CLVS2: variants seen among roughly 807,000 people sequenced by gnomAD.
CLVS2 encodes the protein clavesin-2.
Under a neutral mutation model 29.0 loss-of-function variants are expected in CLVS2, and 19 were observed. The ratio of observed to expected loss-of-function variants is 0.66; its 90% CI spans 0.46 to 0.96. The LOEUF (loss-of-function observed/expected upper bound fraction) is 0.96, where lower values mean the gene tolerates loss of function less well. CLVS2 is among the 40% of genes least tolerant of loss of function. The probability of loss-of-function intolerance (pLI) is 0.00; values close to 1 mark genes in which losing one functional copy is unlikely to be tolerated. For missense variants in CLVS2, 294 were observed against 404.1 expected, an observed-to-expected ratio of 0.73 and a Z score of 2.34; for synonymous variants, 161 against 151.3, an observed-to-expected ratio of 1.06 and a Z score of -0.47.
chr6:123,055,277 C>G (rs1305990652), intron 4 of CLVS2, among the ~76,000 whole-genome samples: 2 of 151,306 alleles, frequency 1.3e-5, no homozygotes, highest in African/African-American at 4.9e-5. Context: ...ACATCACCCA[C>G]TTTGCATTAT....
intron 3 of CLVS2, among the ~76,000 whole-genome samples, chr6:123,018,920 C>A (rs1274763514): frequency 3.3e-5 from 5 of 151,994 alleles, no homozygotes; most frequent in African/African-American, 1.2e-4. Flanking sequence ...AACAAACAAA[C>A]CAAAATGTGT....
chr6:123,023,336 G>A (rs1446797223), intron 3 of CLVS2, among the ~76,000 whole-genome samples: 1 of 152,024 alleles, frequency 6.6e-6, no homozygotes, highest in Non-Finnish European at 1.5e-5. Context: ...CAGTTTATGT[G>A]TTTGAGTTGC....
intron 2 of CLVS2, 82 bp from the exon 3 acceptor site, chr6:123,010,903 T>A (rs1774737707): frequency 1.1e-6 from 1 of 928,354 alleles, no homozygotes. Flanking sequence ...TAAAGTGAAT[T>A]TTTAGTGTGC....
chr6:123,004,597 C>T (rs1282767519), intron 2 of CLVS2, among the ~76,000 whole-genome samples: 1 of 152,128 alleles, frequency 6.6e-6, no homozygotes, highest in African/African-American at 2.4e-5. Context: ...TATTTTCTGA[C>T]ATATATATTA....
At chr6:123,004,700 G>T (rs1436189399) in intron 2 of CLVS2, among the ~76,000 whole-genome samples, 5 of 145,564 alleles carry the variant, frequency 3.4e-5, no homozygotes, top group Non-Finnish European at 7.6e-5. Flanking sequence ...ATCACCTGAG[G>T]TCAGGAGTTG....
intron 2 of CLVS2, among the ~76,000 whole-genome samples, chr6:123,006,540 A>C (rs987870334): frequency 6.6e-6 from 1 of 152,214 alleles, no homozygotes; most frequent in African/African-American, 2.4e-5. Context: ...AGAAAGAGTT[A>C]GATGCCAAAG....
At chr6:123,010,835 C>T in intron 2 of CLVS2, 150 bp from the exon 3 acceptor site, 2 of 452,994 alleles carry the variant, frequency 4.4e-6, no homozygotes, top group Admixed American at 4.2e-5. Flanking sequence ...ATAAATTAAA[C>T]CTCTTCCTAA....
At chr6:123,009,870 A>T (rs1774723945) in intron 2 of CLVS2, among the ~76,000 whole-genome samples, 1 of 152,028 alleles carries the variant, frequency 6.6e-6, no homozygotes, top group Admixed American at 6.6e-5. Context: ...CATTGAACTT[A>T]GAGTCTATAA....
rs1031379200 is a variant in CLVS2 at position 123,066,948 on chromosome 6, C to T, written c.*3187C>T. 6.6e-6 allele frequency: 1 copy of T among 151,624 alleles called. No individual in the cohort carries two copies. Among genetic ancestry groups the T allele is most frequent in the East Asian group, 1.9e-4 (1 of 5,184 alleles). 9.4% of individuals were successfully genotyped at this position (151,624 alleles called of 1,614,324 possible). ...TAGTACATGTTAATGATAAACGTGG[C>T]ACTAGGCTAAAACGATATACGAGTA... On this transcript the variant is annotated 3_prime_UTR_variant, in exon 6 of 6. Transcript: ENST00000275162.
chr6:123,055,871 T>G lies in CLVS2; in HGVS notation c.741T>G (p.Ser247=). Reference sequence around the variant, plus strand: ...TAATTCATCCTGAGATCCTGCCCTCTGAGTTTGGAGGAATGCTGCCTCCTT... The same window carrying G: ...TAATTCATCCTGAGATCCTGCCCTCGGAGTTTGGAGGAATGCTGCCTCCTT... ...HQLIHPEILP[S]EFGGMLPPYD... Residue 247 remains serine, a synonymous_variant, in exon 5 of 6, where the codon TCT becomes TCG. Coordinates refer to ENST00000275162, the MANE Select transcript of CLVS2 (RefSeq NM_001010852.4). 6.2e-7 allele frequency: 1 copy of G among 1,614,116 alleles called. No homozygotes were observed.
chr6:123,000,240 G>A (rs1049586281), intron 2 of CLVS2, among the ~76,000 whole-genome samples: 7 of 151,996 alleles, frequency 4.6e-5, no homozygotes, highest in Admixed American at 6.6e-5. Flanking sequence ...AGAAATTATC[G>A]CACCTCAAGG....
At position 123,063,010 on chromosome 6, in the gene CLVS2, T is replaced by C. The variant is rs61134374; in HGVS notation, c.897-664T>C. On this transcript the variant is annotated intron_variant, in intron 5 of 5. Transcript: ENST00000275162. The stretch of plus-strand genomic sequence containing the variant: ...GGCATGTATAAGTGGGTTTTCAAAT[T>C]ATGTGCTTTCCTAATCATAAACTGT... 5.4e-3 allele frequency among the ~76,000 whole-genome samples: 828 copies of C among 152,312 alleles called. 8 individuals carry two copies. The highest frequency in any genetic ancestry group is 0.012 in the East Asian group (61 of 5,174).
intron 5 of CLVS2, among the ~76,000 whole-genome samples, chr6:123,061,442 T>TA (rs928391970): frequency 9.3e-5 from 14 of 151,178 alleles, no homozygotes; most frequent in Admixed American, 4.0e-4. Flanking sequence ...TAAAAGAGAC[T>TA]AAAAAAAAAT....
At position 123,068,574 on chromosome 6, in the gene CLVS2, T is replaced by G. The variant is rs1772896443; in HGVS notation, c.*4813T>G. 1 of 151,788 alleles carries G rather than the reference T, an allele frequency of 6.6e-6. No homozygotes were observed. The highest frequency in any genetic ancestry group is 1.5e-5 in the Non-Finnish European group (1 of 67,756). The allele number at this position is 151,788 out of a possible 1,614,324, so 9.4% of individuals were successfully genotyped here. ...CAATTTTTCAATTTTTCAGATTTTA[T>G]ATTTGCTTAAACAATAAATAAAACT... On this transcript the variant is annotated 3_prime_UTR_variant, in exon 6 of 6. Coordinates refer to ENST00000275162, the MANE Select transcript of CLVS2 (RefSeq NM_001010852.4).
Position 123,062,645 on chromosome 6 carries a change from A to G in CLVS2, c.897-1029A>G, listed in dbSNP as rs555795316. On this transcript the variant is annotated intron_variant, in intron 5 of 5. Transcript: ENST00000275162. Reference sequence around the variant, plus strand: ...TTTATTTAAATTTAATCAGTTTATCAGTTAATCCTGTAATTATTTTTTCTT... The same window carrying G: ...TTTATTTAAATTTAATCAGTTTATCGGTTAATCCTGTAATTATTTTTTCTT... Among the ~76,000 whole-genome samples, 7 of 152,246 alleles carry G rather than the reference A, an allele frequency of 4.6e-5. No individual in the cohort carries two copies. The South Asian group carries it at 1.5e-3, about 32-fold the overall frequency.
In CLVS2 at chr6:122,997,567, A is replaced by C. The variant is rs1211770964; in HGVS notation, c.-211A>C. 1 of 601,924 alleles carries C rather than the reference A, an allele frequency of 1.7e-6. No homozygotes were observed. Among genetic ancestry groups the C allele is most frequent in the African/African-American group, 1.9e-5 (1 of 53,676 alleles). The allele number at this position is 601,924 out of a possible 1,614,324, so 37.3% of individuals were successfully genotyped here. The stretch of plus-strand genomic sequence containing the variant: ...TTGTATTTTAGGGGGCAGAGGAAGA[A>C]GTTTACACCCCCCGGCCCCCCCAGC... On this transcript the variant is annotated 5_prime_UTR_variant, in exon 2 of 6. Coordinates refer to ENST00000275162, the MANE Select transcript of CLVS2 (RefSeq NM_001010852.4).
At chr6:123,007,717 G>A (rs1582643826) in intron 2 of CLVS2, among the ~76,000 whole-genome samples, 1 of 152,234 alleles carries the variant, frequency 6.6e-6, no homozygotes, top group African/African-American at 2.4e-5. Context: ...CTTACTGCAT[G>A]CTACACAGCA....
rs565763649 is a variant in CLVS2, at chr6:123,064,708, T to C, written c.*947T>C. 2 of 151,870 alleles carry C rather than the reference T, an allele frequency of 1.3e-5. No homozygotes were observed. Among genetic ancestry groups the C allele is most frequent in the Admixed American group, 6.6e-5 (1 of 15,200 alleles). 9.4% of individuals were successfully genotyped at this position (151,870 alleles called of 1,614,324 possible). On this transcript the variant is annotated 3_prime_UTR_variant, in exon 6 of 6. Coordinates refer to ENST00000275162, the MANE Select transcript of CLVS2 (RefSeq NM_001010852.4). ...TATATTCACACATATATATTTTTAC[T>C]GAGCTCTAATAAATCCTTAATGTGA...
chr6:123,063,832 T>C lies in CLVS2; in HGVS notation c.*71T>C, dbSNP rs894023041. On this transcript the variant is annotated 3_prime_UTR_variant, in exon 6 of 6. Coordinates refer to ENST00000275162, the MANE Select transcript of CLVS2 (RefSeq NM_001010852.4). ...GTTTTCAGCAACAGGGACAACACTG[T>C]AGAGGAATTACCAGCTGGAAACCGA... 1 of 1,010,676 alleles carries C rather than the reference T, an allele frequency of 9.9e-7. No individual in the cohort carries two copies. Among genetic ancestry groups the C allele is most frequent in the Non-Finnish European group, 1.5e-6 (1 of 648,282 alleles). 62.6% of individuals were successfully genotyped at this position (1,010,676 alleles called of 1,614,324 possible).
Sources: gnomAD v4.1 joint callset for allele counts (sites outside exome capture counted in the v4.1 genomes callset) on GRCh38, gnomAD v4.1.1 for gene constraint, MANE v1.5 for transcripts, NCBI Gene and HGNC (gene_info 2026-07-23, HGNC 2026-07-21) for gene names.